Variants in SNTG1 observed in about 807,000 individuals in gnomAD.
SNTG1 encodes the protein syntrophin gamma 1.
In SNTG1, 39 loss-of-function variants were observed where a neutral mutation model predicts 74.7. The ratio of observed to expected loss-of-function variants is 0.52; its 90% CI spans 0.40 to 0.68. The LOEUF (loss-of-function observed/expected upper bound fraction) is 0.68. Ranked by LOEUF, SNTG1 falls within the 30% of genes least tolerant of loss-of-function variation. SNTG1 has a pLI of 0.00. For missense variants in SNTG1, 685 were observed against 609.5 expected (o/e 1.12, Z -1.30); for synonymous variants, 254 against 217.1 (o/e 1.17, Z -1.49).
chr8:50,200,005 GT>G (rs71235781), intron 2 of SNTG1, among the ~76,000 whole-genome samples: 41,925 of 151,976 alleles, frequency 0.28, 5,865 homozygotes, highest in Middle Eastern at 0.4. Flanking sequence ...CAACAAATTG[GT>G]TTTTCTTTTG....
At chr8:50,151,194 T>C (rs903103514) in intron 1 of SNTG1, among the ~76,000 whole-genome samples, 1 of 152,218 alleles carries the variant, frequency 6.6e-6, no homozygotes, top group Middle Eastern at 3.2e-3. Flanking sequence ...CTAGTTTATT[T>C]GTGTAGAGGT....
intron 2 of SNTG1, among the ~76,000 whole-genome samples, chr8:50,242,570 A>C (rs752930848): frequency 1.3e-5 from 2 of 148,388 alleles, no homozygotes; most frequent in Non-Finnish European, 3.0e-5. Flanking sequence ...TATTGTATTT[A>C]TTCTGTAGGT....
chr8:50,059,231 A>G (rs1057113466), intron 1 of SNTG1, among the ~76,000 whole-genome samples: 1 of 152,112 alleles, frequency 6.6e-6, no homozygotes, highest in Non-Finnish European at 1.5e-5. Flanking sequence ...TTTATATAAA[A>G]TAAGTTTTCA....
rs187407744 is a variant in SNTG1, at chr8:50,690,687, G to A, written c.1039-13913G>A. 2.6e-5 allele frequency among the ~76,000 whole-genome samples: 4 copies of A among 152,220 alleles called. No homozygotes were observed. The East Asian group carries it at 5.8e-4, about 22-fold the overall frequency. On this transcript the variant is annotated intron_variant, in intron 15 of 18. Transcript: ENST00000642720. Reference sequence around the variant, plus strand: ...TTCCAACTATGTGGTCAATTTTGGAGTAGGTGTGGTGTGGTGCTGAAAAGA... The same window carrying A: ...TTCCAACTATGTGGTCAATTTTGGAATAGGTGTGGTGTGGTGCTGAAAAGA...
chr8:50,615,125 T>C (rs1316984846), intron 13 of SNTG1, among the ~76,000 whole-genome samples: 2 of 151,720 alleles, frequency 1.3e-5, no homozygotes, highest in Non-Finnish European at 2.9e-5. Context: ...TGTTTGTTTG[T>C]TTGTTTTTGT....
chr8:50,654,940 A>G (rs1258064990), intron 13 of SNTG1, among the ~76,000 whole-genome samples: 1 of 152,192 alleles, frequency 6.6e-6, no homozygotes, highest in Admixed American at 6.5e-5. Flanking sequence ...GGACTTTAAC[A>G]TTTTGATCCA....
chr8:50,174,278 AATAGTGCTGC>A (rs1218059128), intron 2 of SNTG1, among the ~76,000 whole-genome samples: 1 of 152,170 alleles, frequency 6.6e-6, no homozygotes, highest in African/African-American at 2.4e-5. Flanking sequence ...TGCTATTGTG[AATAGTGCTGC>A]AGTAGACATA....
At chr8:50,286,263 C>T (rs2088777366) in intron 2 of SNTG1, among the ~76,000 whole-genome samples, 1 of 152,158 alleles carries the variant, frequency 6.6e-6, no homozygotes, top group Admixed American at 6.6e-5. Context: ...TACTTGCCTT[C>T]TCATGATGTA....
At chr8:49,992,845 T>C (rs1249918805) in intron 1 of SNTG1, among the ~76,000 whole-genome samples, 3 of 152,190 alleles carry the variant, frequency 2.0e-5, no homozygotes, top group Admixed American at 6.5e-5. Context: ...AGCTTATTCT[T>C]AGTAAAGTGC....
At chr8:50,342,144 C>A (rs2091335346) in intron 2 of SNTG1, among the ~76,000 whole-genome samples, 1 of 151,976 alleles carries the variant, frequency 6.6e-6, no homozygotes, top group Non-Finnish European at 1.5e-5. Flanking sequence ...AAAAAATAGA[C>A]CTGTATAAAA....
At chr8:50,304,309 C>T (rs1272380721) in intron 2 of SNTG1, among the ~76,000 whole-genome samples, 1 of 152,146 alleles carries the variant, frequency 6.6e-6, no homozygotes, top group East Asian at 1.9e-4. Flanking sequence ...TTCCCAGCCT[C>T]CAGAGCTGTG....
chr8:50,009,203 T>C (rs1429868808), intron 1 of SNTG1, among the ~76,000 whole-genome samples: 1 of 152,212 alleles, frequency 6.6e-6, no homozygotes, highest in Non-Finnish European at 1.5e-5. Context: ...TGGGGACTGA[T>C]TTTTATATAG....
intron 1 of SNTG1, among the ~76,000 whole-genome samples, chr8:49,995,764 C>T (rs1179093363): frequency 6.6e-6 from 1 of 152,182 alleles, no homozygotes; most frequent in Non-Finnish European, 1.5e-5. Flanking sequence ...GGGTCACCCT[C>T]CATGCCTTAT....
At chr8:50,346,101 G>C (rs1275995259) in intron 2 of SNTG1, among the ~76,000 whole-genome samples, 1 of 152,066 alleles carries the variant, frequency 6.6e-6, no homozygotes, top group Non-Finnish European at 1.5e-5. Flanking sequence ...AAATACCTAT[G>C]ACTTACAGGC....
intron 2 of SNTG1, among the ~76,000 whole-genome samples, chr8:50,318,622 C>T (rs1424314533): frequency 6.6e-6 from 1 of 152,154 alleles, no homozygotes; most frequent in Non-Finnish European, 1.5e-5. Flanking sequence ...ATCTGTGCTT[C>T]CAATACCACT....
At chr8:50,541,632 T>C (rs938982392) in intron 11 of SNTG1, among the ~76,000 whole-genome samples, 2 of 152,148 alleles carry the variant, frequency 1.3e-5, no homozygotes, top group Admixed American at 6.6e-5. Flanking sequence ...ATATCCATCA[T>C]CTTAGTATTT....
At chr8:50,509,312 T>C (rs1200595885) in intron 9 of SNTG1, among the ~76,000 whole-genome samples, 1 of 152,226 alleles carries the variant, frequency 6.6e-6, no homozygotes, top group African/African-American at 2.4e-5. Context: ...CATGCTGTTT[T>C]GGTTACTGTA....
At chr8:49,949,226 T>C (rs915132760) in intron 1 of SNTG1, among the ~76,000 whole-genome samples, 3 of 152,218 alleles carry the variant, frequency 2.0e-5, no homozygotes, top group African/African-American at 7.2e-5. Context: ...TACTTACCAA[T>C]GAATCATTTG....
intron 1 of SNTG1, among the ~76,000 whole-genome samples, chr8:49,985,447 A>T (rs1813068036): frequency 6.6e-6 from 1 of 152,304 alleles, no homozygotes; most frequent in Non-Finnish European, 1.5e-5. Context: ...TTTTAAATCT[A>T]TTAAAATCAA....
Sources: allele counts gnomAD v4.1 joint callset (sites outside exome capture counted in the v4.1 genomes callset), GRCh38; gene constraint gnomAD v4.1.1; transcripts MANE v1.5; gene names NCBI Gene and HGNC (gene_info 2026-07-23, HGNC 2026-07-21).